The following MYO3A variants were observed in gnomAD, a reference collection of about 807,000 sequenced individuals.
MYO3A encodes the protein myosin IIIA, also known as myosin-IIIa.
Under a neutral mutation model 192.7 loss-of-function variants are expected in MYO3A, and 180 were observed. That is an observed-to-expected ratio of 0.93 (90% CI 0.83 to 1.06). The LOEUF is 1.06. Among genes scored for constraint, MYO3A ranks in the 50% least tolerant of loss-of-function variants. MYO3A has a pLI of 0.00. For synonymous variants in MYO3A, 628 were observed against 645.3 expected, an observed-to-expected ratio of 0.97 and a Z score of 0.41; for missense variants, 1,896 against 1,905.0, an observed-to-expected ratio of 1.00 and a Z score of 0.09.
chr10:25,977,661 T>G (rs1303142436), intron 4 of MYO3A, among the ~76,000 whole-genome samples: 1 of 152,174 alleles, frequency 6.6e-6, no homozygotes, highest in Non-Finnish European at 1.5e-5. Context: ...GAATAAAACT[T>G]GTGTTTCATA....
At chr10:25,974,044 G>GA (rs1838824033) in intron 4 of MYO3A, among the ~76,000 whole-genome samples, 2 of 152,170 alleles carry the variant, frequency 1.3e-5, no homozygotes, top group African/African-American at 4.8e-5. Flanking sequence ...CAGATTTCAT[G>GA]ATGAAAACAC....
chr10:26,162,878 T>A (rs1841549718), intron 26 of MYO3A, among the ~76,000 whole-genome samples: 1 of 152,214 alleles, frequency 6.6e-6, no homozygotes, highest in African/African-American at 2.4e-5. Flanking sequence ...GAAAAGACAA[T>A]TTCATTACTC....
At chr10:26,044,589 A>G (rs2131244998) in intron 10 of MYO3A, among the ~76,000 whole-genome samples, 1 of 152,312 alleles carries the variant, frequency 6.6e-6, no homozygotes, top group African/African-American at 2.4e-5. Context: ...CATTTTGCCA[A>G]GGATAACATG....
intron 20 of MYO3A, among the ~76,000 whole-genome samples, chr10:26,141,555 A>T (rs554434993): frequency 6.6e-6 from 1 of 152,330 alleles, no homozygotes; most frequent in East Asian, 1.9e-4. Flanking sequence ...AGAAATGACA[A>T]ATGCATTAGT....
intron 17 of MYO3A, among the ~76,000 whole-genome samples, chr10:26,109,284 G>T (rs1406196570): frequency 6.6e-6 from 1 of 152,206 alleles, no homozygotes; most frequent in Non-Finnish European, 1.5e-5. Context: ...TTAGAGTACA[G>T]TACTACCCTC....
chr10:26,171,362 G>A (rs1842036325), intron 29 of MYO3A, among the ~76,000 whole-genome samples: 1 of 151,944 alleles, frequency 6.6e-6, no homozygotes, highest in South Asian at 2.1e-4. Flanking sequence ...AGAAGAGGTG[G>A]CTTCCTAGCT....
intron 26 of MYO3A, among the ~76,000 whole-genome samples, chr10:26,158,918 G>A (rs564391851): frequency 2.6e-5 from 4 of 151,832 alleles, no homozygotes; most frequent in South Asian, 2.1e-4. Context: ...CCCCTCCTCC[G>A]TAAAACTTTA....
chr10:26,071,305 A>G (rs1040051236), intron 14 of MYO3A, among the ~76,000 whole-genome samples: 1 of 152,096 alleles, frequency 6.6e-6, no homozygotes, highest in African/African-American at 2.4e-5. Context: ...CTTTTCAACA[A>G]ATAGTGTTGA....
chr10:26,072,970 A>C (rs1420137318), intron 14 of MYO3A, among the ~76,000 whole-genome samples: 1 of 152,228 alleles, frequency 6.6e-6, no homozygotes, highest in African/African-American at 2.4e-5. Flanking sequence ...TAGTACATTC[A>C]TACAGTGAAA....
intron 32 of MYO3A, among the ~76,000 whole-genome samples, chr10:26,196,394 C>T (rs1253813165): frequency 6.6e-6 from 1 of 152,322 alleles, no homozygotes; most frequent in East Asian, 1.9e-4. Flanking sequence ...AAATGAGTTC[C>T]ATCCCCAAGA....
At chr10:26,103,970 T>C (rs761441707) in intron 17 of MYO3A, among the ~76,000 whole-genome samples, 2 of 152,230 alleles carry the variant, frequency 1.3e-5, no homozygotes, top group African/African-American at 2.4e-5. Flanking sequence ...CATGTACTTA[T>C]TGGTCATCTG....
intron 14 of MYO3A, among the ~76,000 whole-genome samples, chr10:26,074,355 GTA>G (rs1835397444): frequency 6.6e-6 from 1 of 151,770 alleles, no homozygotes. Flanking sequence ...GGATCAAATT[GTA>G]TCTTTTTGTC....
Position 26,026,565 on chromosome 10 carries a change from G to A in MYO3A, c.953+33G>A, listed in dbSNP as rs756595103. 3 of 1,611,198 alleles carry A rather than the reference G, an allele frequency of 1.9e-6. No homozygotes were observed. The South Asian group carries it at 3.3e-5, about 18-fold the overall frequency. On this transcript the variant is annotated intron_variant, in intron 10 of 34. Transcript: ENST00000642920. Reference sequence around the variant, plus strand: ...AATAATATCTTGATTCCAAAATCCAGAGATTATTGAAAGATTTTGAACAGT... The same window carrying A: ...AATAATATCTTGATTCCAAAATCCAAAGATTATTGAAAGATTTTGAACAGT...
At chr10:26,165,995 T>C in intron 26 of MYO3A, 72 bp from the exon 27 acceptor site, 2 of 1,253,204 alleles carry the variant, frequency 1.6e-6, no homozygotes, top group Non-Finnish European at 2.3e-6. Context: ...CACTAAGTTG[T>C]TGGGGAACCA....
chr10:26,065,493 G>C lies in MYO3A; in HGVS notation c.954-1482G>C, dbSNP rs946949225. Among the ~76,000 whole-genome samples, 9 of 148,714 alleles carry C rather than the reference G, an allele frequency of 6.1e-5. 1 individual carries two copies. Among genetic ancestry groups the C allele is most frequent in the Admixed American group, 2.8e-4 (4 of 14,534 alleles). ...CCAGCCACTCGGGAAGCTGAGGCAG[G>C]AGAATCACATGAACCTGGGAGGCGG... is the stretch of plus-strand genomic sequence containing the variant. On this transcript the variant is annotated intron_variant, in intron 10 of 34. Transcript: ENST00000642920.
intron 11 of MYO3A, among the ~76,000 whole-genome samples, chr10:26,067,406 T>C (rs1223944348): frequency 6.6e-6 from 1 of 152,176 alleles, no homozygotes; most frequent in Admixed American, 6.5e-5. Flanking sequence ...TCTTTTTCAT[T>C]ATTTGTGGGA....
intron 17 of MYO3A, among the ~76,000 whole-genome samples, chr10:26,115,057 A>G (rs937707077): frequency 2.0e-5 from 3 of 152,216 alleles, no homozygotes; most frequent in Admixed American, 6.5e-5. Flanking sequence ...GGAAATGACA[A>G]TGGACAGGCA....
chr10:26,004,919 C>A (rs186341071), intron 6 of MYO3A, among the ~76,000 whole-genome samples: 79 of 152,196 alleles, frequency 5.2e-4, no homozygotes, highest in African/African-American at 1.9e-3. Flanking sequence ...TAGAAGAAAT[C>A]GTGTAATTTT....
chr10:26,145,611 G>A, intron 22 of MYO3A, 77 bp downstream of exon 22: 8 of 1,146,368 alleles, frequency 7.0e-6, no homozygotes, highest in Non-Finnish European at 1.0e-5. Context: ...GAAAATTATG[G>A]CCCAAAATGT....
Sources: allele counts gnomAD v4.1 joint callset (sites outside exome capture counted in the v4.1 genomes callset), GRCh38; gene constraint gnomAD v4.1.1; transcripts MANE v1.5; gene names NCBI Gene and HGNC (gene_info 2026-07-23, HGNC 2026-07-21).